Variants in TNNI3K observed in about 807,000 individuals in gnomAD.
The protein encoded by TNNI3K is serine/threonine-protein kinase TNNI3K.
A neutral mutation model predicts 114.5 loss-of-function variants in TNNI3K; 140 were observed. The ratio of observed to expected loss-of-function variants is 1.22; its 90% CI spans 1.07 to 1.41. TNNI3K has a LOEUF of 1.41. TNNI3K is among the 40% of genes most tolerant of loss of function. The pLI, the probability that TNNI3K is intolerant of heterozygous loss-of-function variation, is 0.00. For synonymous variants in TNNI3K, 347 were observed against 347.5 expected (o/e 1.00, Z 0.02); for missense variants, 1,125 against 1,007.6 (o/e 1.12, Z -1.58).
At chr1:74,464,848 T>G in intron 21 of TNNI3K, 1 of 1,428,712 alleles carries the variant, frequency 7.0e-7, no homozygotes, top group South Asian at 1.7e-5. Flanking sequence ...TTTTGTTTAT[T>G]TTGTTCACTG....
intron 21 of TNNI3K, among the ~76,000 whole-genome samples, chr1:74,465,654 A>G (rs928083938): frequency 6.6e-6 from 1 of 152,216 alleles, no homozygotes; most frequent in Non-Finnish European, 1.5e-5. Flanking sequence ...CGCATGATGC[A>G]GGACTGGTGG....
At chr1:74,254,362 T>A (rs879802032) in intron 4 of TNNI3K, among the ~76,000 whole-genome samples, 3 of 152,174 alleles carry the variant, frequency 2.0e-5, no homozygotes, top group Admixed American at 6.5e-5. Flanking sequence ...ATTGTCCCAA[T>A]TGTGTCATTT....
intron 17 of TNNI3K, among the ~76,000 whole-genome samples, chr1:74,380,579 G>A (rs951031223): frequency 6.6e-6 from 1 of 152,108 alleles, no homozygotes; most frequent in African/African-American, 2.4e-5. Flanking sequence ...TGAACTCACT[G>A]GCCTGCAATT....
chr1:74,541,485 C>T (rs1388344514), intron 24 of TNNI3K: 1 of 152,164 alleles, frequency 6.6e-6, no homozygotes, highest in African/African-American at 2.4e-5. Flanking sequence ...CCAAGTGTCA[C>T]ATCCTCACAT....
At chr1:74,270,098 G>A (rs1217558669) in intron 4 of TNNI3K, among the ~76,000 whole-genome samples, 1 of 151,770 alleles carries the variant, frequency 6.6e-6, no homozygotes, top group Non-Finnish European at 1.5e-5. Flanking sequence ...GCCTCAGGTG[G>A]AAGAAACAGT....
At chr1:74,504,630 G>T (rs996967940) in intron 23 of TNNI3K, among the ~76,000 whole-genome samples, 15 of 151,738 alleles carry the variant, frequency 9.9e-5, no homozygotes, top group Non-Finnish European at 2.1e-4. Context: ...GTGTAAAATT[G>T]ACACCTTTAA....
chr1:74,255,755 CA>C (rs1655248378), intron 4 of TNNI3K, among the ~76,000 whole-genome samples: 2 of 152,044 alleles, frequency 1.3e-5, no homozygotes, highest in Admixed American at 1.3e-4. Flanking sequence ...TCTACTATAC[CA>C]AAAAGTTCCC....
intron 17 of TNNI3K, among the ~76,000 whole-genome samples, chr1:74,381,599 C>T (rs972045831): frequency 6.6e-6 from 1 of 152,090 alleles, no homozygotes; most frequent in Non-Finnish European, 1.5e-5. Flanking sequence ...TACTGTAGAT[C>T]TCTTTCTATA....
intron 23 of TNNI3K, among the ~76,000 whole-genome samples, chr1:74,509,620 A>G (rs898696189): frequency 6.6e-6 from 1 of 152,156 alleles, no homozygotes; most frequent in Non-Finnish European, 1.5e-5. Context: ...AAAATTGAGG[A>G]CAAAGCACCA....
At chr1:74,517,262 T>G (rs765731463) in intron 23 of TNNI3K, among the ~76,000 whole-genome samples, 2 of 152,214 alleles carry the variant, frequency 1.3e-5, no homozygotes, top group Non-Finnish European at 2.9e-5. Flanking sequence ...TTTATTATAT[T>G]CTGTCAGGTC....
At chr1:74,328,833 A>T (rs550123206) in intron 5 of TNNI3K, among the ~76,000 whole-genome samples, 1 of 152,236 alleles carries the variant, frequency 6.6e-6, no homozygotes, top group East Asian at 1.9e-4. Context: ...ATAGGTTAAC[A>T]TTTGAAAGTC....
In TNNI3K at chr1:74,393,354, C is replaced by A. The variant is rs1005887301; in HGVS notation, c.1772+22962C>A. ...CAAGCATTTTCTTTGTATCAGCATA[C>A]CATATAATTTAAAAAAAAGGAGAAA... is the stretch of plus-strand genomic sequence containing the variant. On this transcript the variant is annotated intron_variant, in intron 17 of 24. Transcript: ENST00000326637. 6.6e-5 allele frequency among the ~76,000 whole-genome samples: 10 copies of A among 151,808 alleles called. No individual in the cohort carries two copies. In the South Asian group the frequency reaches 1.9e-3, roughly 28 times the overall value.
chr1:74,446,109 C>T (rs542079209), intron 20 of TNNI3K, among the ~76,000 whole-genome samples: 2,972 of 152,004 alleles, frequency 0.02, 80 homozygotes, highest in African/African-American at 0.068. Flanking sequence ...CCTGAGGAAT[C>T]GCCACACTGA....
intron 2 of TNNI3K, among the ~76,000 whole-genome samples, chr1:74,249,075 T>C (rs974258920): frequency 1.3e-5 from 2 of 152,068 alleles, no homozygotes; most frequent in Non-Finnish European, 2.9e-5. Context: ...TAATAATCAA[T>C]TTTATATATG....
At chr1:74,302,167 A>G (rs1658367369) in intron 5 of TNNI3K, among the ~76,000 whole-genome samples, 1 of 152,210 alleles carries the variant, frequency 6.6e-6, no homozygotes, top group Admixed American at 6.5e-5. Flanking sequence ...TCAATATTAT[A>G]TCTGTGATGG....
intron 20 of TNNI3K, among the ~76,000 whole-genome samples, chr1:74,446,978 G>T (rs1666723708): frequency 1.2e-5 from 1 of 82,608 alleles, no homozygotes. Flanking sequence ...GTAATGTGAT[G>T]CCTCCAGCTT....
At chr1:74,460,241 G>C (rs1466921356) in intron 20 of TNNI3K, among the ~76,000 whole-genome samples, 1 of 152,026 alleles carries the variant, frequency 6.6e-6, no homozygotes, top group Non-Finnish European at 1.5e-5. Context: ...CTAATTTTTT[G>C]TGTTTTTAGT....
At chr1:74,396,984 A>T (rs966015123) in intron 17 of TNNI3K, among the ~76,000 whole-genome samples, 3 of 152,188 alleles carry the variant, frequency 2.0e-5, no homozygotes, top group South Asian at 2.1e-4. Flanking sequence ...AGGGAAGCTC[A>T]GAAGGTTTTT....
intron 5 of TNNI3K, among the ~76,000 whole-genome samples, chr1:74,280,491 G>A (rs1422759066): frequency 6.6e-6 from 1 of 152,182 alleles, no homozygotes; most frequent in Admixed American, 6.5e-5. Flanking sequence ...GGCACAGCAT[G>A]GCACAGAGAG....
Sources: gnomAD v4.1 joint callset for allele counts (sites outside exome capture counted in the v4.1 genomes callset) on GRCh38, gnomAD v4.1.1 for gene constraint, MANE v1.5 for transcripts, NCBI Gene and HGNC (gene_info 2026-07-23, HGNC 2026-07-21) for gene names.